The following PKD1L3 variants were observed in gnomAD, a reference collection of about 807,000 sequenced individuals.
PKD1L3 encodes polycystin-1-like protein 3.
In PKD1L3, 239 loss-of-function variants were observed where a neutral mutation model predicts 184.1. That is an observed-to-expected ratio of 1.30 (90% CI 1.17 to 1.45). PKD1L3 has a LOEUF of 1.45. Among genes scored for constraint, PKD1L3 ranks in the 40% most tolerant of loss-of-function variants. The probability of loss-of-function intolerance (pLI) is 0.00; values close to 1 mark genes in which losing one functional copy is unlikely to be tolerated. For missense variants in PKD1L3, 2,660 were observed against 2,067.2 expected (o/e 1.29, Z -5.56); for synonymous variants, 996 against 778.8 (o/e 1.28, Z -4.64).
chr16:71,950,825 C>T (rs998341564), intron 19 of PKD1L3, among the ~76,000 whole-genome samples: 7 of 151,184 alleles, frequency 4.6e-5, no homozygotes, highest in Admixed American at 3.3e-4. Flanking sequence ...CTCTGCCTCC[C>T]GGGTTCAAGT....
At chr16:71,950,735 C>CTT (rs1445898829) in intron 19 of PKD1L3, among the ~76,000 whole-genome samples, 1 of 76,804 alleles carries the variant, frequency 1.3e-5, no homozygotes, top group Middle Eastern at 6.3e-3. Flanking sequence ...TTGTATTTCT[C>CTT]TCTTTTTTTT....
chr16:71,945,309 CACACACACACACATATAT>C (rs1452567959), intron 22 of PKD1L3, among the ~76,000 whole-genome samples: 1 of 40,600 alleles, frequency 2.5e-5, no homozygotes, highest in Admixed American at 2.9e-4. Context: ...TATATATACA[CACACACACACACATATAT>C]ACACACACAC....
intron 16 of PKD1L3, among the ~76,000 whole-genome samples, chr16:71,961,615 C>T (rs1320350399): frequency 6.6e-6 from 1 of 152,020 alleles, no homozygotes; most frequent in Non-Finnish European, 1.5e-5. Flanking sequence ...TGACAGCCAG[C>T]GCCCCCTGCT....
chr16:71,996,550 G>A (rs1431663422), intron 2 of PKD1L3, among the ~76,000 whole-genome samples: 1 of 152,120 alleles, frequency 6.6e-6, no homozygotes, highest in African/African-American at 2.4e-5. Context: ...ATGAGCCACT[G>A]TGCCTGGCCC....
At position 71,989,603 on chromosome 16, in the gene PKD1L3, A is replaced by C. The variant is rs1028611056; in HGVS notation, c.585+677T>G. ...AGATTTCTTGAAGGTGAAATTTTATAGATTATGTGGACAGTTTCTACCTTT... is the reference window on the plus strand; with the variant it reads ...AGATTTCTTGAAGGTGAAATTTTATCGATTATGTGGACAGTTTCTACCTTT... On this transcript the variant is annotated intron_variant, in intron 4 of 29. Coordinates refer to ENST00000620267, the MANE Select transcript of PKD1L3 (RefSeq NM_181536.2). Among the ~76,000 whole-genome samples the C allele has an allele frequency of 3.9e-5, 6 of 152,336 alleles. No individual in the cohort carries two copies. The South Asian group carries it at 1.0e-3, about 26-fold the overall frequency.
At chr16:71,972,260 G>A (rs896893151) in intron 12 of PKD1L3, among the ~76,000 whole-genome samples, 1 of 151,890 alleles carries the variant, frequency 6.6e-6, no homozygotes, top group African/African-American at 2.4e-5. Context: ...TTAGCTGGGT[G>A]TGGTGGTGCA....
chr16:71,993,373 G>A (rs760864157), intron 2 of PKD1L3, 41 bp from the exon 3 acceptor site: 4 of 1,278,904 alleles, frequency 3.1e-6, no homozygotes, highest in Admixed American at 2.2e-5. Flanking sequence ...ATAGGTTATA[G>A]CTATGGCTAC....
At chr16:71,932,682 T>C (rs2038019903) in intron 28 of PKD1L3, among the ~76,000 whole-genome samples, 1 of 151,968 alleles carries the variant, frequency 6.6e-6, no homozygotes, top group Admixed American at 6.6e-5. Context: ...TTTCACCATG[T>C]TGGCCAGGCT....
intron 16 of PKD1L3, among the ~76,000 whole-genome samples, chr16:71,961,444 T>C (rs1008876144): frequency 2.6e-5 from 4 of 152,082 alleles, no homozygotes; most frequent in African/African-American, 9.7e-5. Context: ...AATCTGATTT[T>C]CAAAGTTAGG....
At chr16:71,986,200 A>G in intron 5 of PKD1L3, 21 bp downstream of exon 5, 2 of 1,550,348 alleles carry the variant, frequency 1.3e-6, no homozygotes, top group Non-Finnish European at 1.7e-6. Context: ...GCTACCTGTG[A>G]CTTGAATTTC....
At chr16:71,993,590 T>A (rs1167607564) in intron 2 of PKD1L3, among the ~76,000 whole-genome samples, 26 of 152,154 alleles carry the variant, frequency 1.7e-4, no homozygotes. Context: ...TAGTGTTCCA[T>A]TATTGGAACA....
intron 2 of PKD1L3, among the ~76,000 whole-genome samples, chr16:71,993,628 A>G (rs1163348019): frequency 6.6e-6 from 1 of 152,130 alleles, no homozygotes; most frequent in African/African-American, 2.4e-5. Flanking sequence ...TTTACATCCT[A>G]CTGCTTAAGG....
chr16:71,967,364 C>A lies in PKD1L3; in HGVS notation c.2287-49G>T, dbSNP rs979865099. 4 of 1,499,424 alleles carry A rather than the reference C, an allele frequency of 2.7e-6. No homozygotes were observed. In the African/African-American group the frequency reaches 4.2e-5, roughly 16 times the overall value. The allele number at this position is 1,499,424 out of a possible 1,614,324, so 92.9% of individuals were successfully genotyped here. A position where few individuals can be genotyped will look rare whatever the true frequency, so the allele number is the denominator to read the frequency against. ...AAATATAAGGAATTTTAACACAATT[C>A]TTTGGGTTTATCCCTAAGGAGAAAG... On this transcript the variant is annotated intron_variant, in intron 14 of 29. Coordinates refer to ENST00000620267, the MANE Select transcript of PKD1L3 (RefSeq NM_181536.2).
chr16:71,995,008 C>A (rs753045342), intron 2 of PKD1L3, among the ~76,000 whole-genome samples: 1 of 152,076 alleles, frequency 6.6e-6, no homozygotes, highest in Non-Finnish European at 1.5e-5. Flanking sequence ...AAACAGTTGA[C>A]TTAAATTTGT....
rs1241729703 is a variant in PKD1L3 at position 71,965,054 on chromosome 16, C to G, written c.2466-1703G>C. Among the ~76,000 whole-genome samples the G allele has an allele frequency of 2.6e-5, 4 of 151,822 alleles. No individual in the cohort carries two copies. In the South Asian group the frequency reaches 8.3e-4, roughly 32 times the overall value. On this transcript the variant is annotated intron_variant, in intron 15 of 29. Coordinates refer to ENST00000620267, the MANE Select transcript of PKD1L3 (RefSeq NM_181536.2). ...GTAGAGACAGAATTTCACCATGTTG[C>G]CCAGGCTGGTCTCAAACTCCTGACC...
At chr16:71,978,425 A>G in intron 9 of PKD1L3, 42 bp from the exon 10 acceptor site, 1 of 1,519,818 alleles carries the variant, frequency 6.6e-7, no homozygotes, top group Non-Finnish European at 8.9e-7. Context: ...TTGCTGAAAT[A>G]TTTTTAAGTG....
At chr16:71,960,247 A>G (rs901612066) in intron 16 of PKD1L3, among the ~76,000 whole-genome samples, 1 of 152,142 alleles carries the variant, frequency 6.6e-6, no homozygotes, top group Non-Finnish European at 1.5e-5. Context: ...AGAATGGATT[A>G]TAACAAATAA....
chr16:71,949,667 G>C (rs1425844934), intron 21 of PKD1L3, 116 bp downstream of exon 21: 1 of 1,001,564 alleles, frequency 1.0e-6, no homozygotes, highest in Admixed American at 2.6e-5. Context: ...TTGCCTATTT[G>C]TTTTTTGTTG....
chr16:71,969,732 T>C, intron 13 of PKD1L3, 143 bp downstream of exon 13: 4 of 758,104 alleles, frequency 5.3e-6, no homozygotes, highest in East Asian at 5.5e-5. Flanking sequence ...GACACGAAGA[T>C]AAATTTAAGA....
Sources: allele counts gnomAD v4.1 joint callset (sites outside exome capture counted in the v4.1 genomes callset), GRCh38; gene constraint gnomAD v4.1.1; transcripts MANE v1.5; gene names NCBI Gene and HGNC (gene_info 2026-07-23, HGNC 2026-07-21).